The following CLGN variants were observed in gnomAD, a reference collection of about 807,000 sequenced individuals.
CLGN encodes testis tissue sperm-binding protein Li 79P.
In CLGN, 62 loss-of-function variants were observed where a neutral mutation model predicts 79.1. The ratio of observed to expected loss-of-function variants is 0.78; its 90% CI spans 0.64 to 0.97. The LOEUF (loss-of-function observed/expected upper bound fraction) is 0.97. Among genes scored for constraint, CLGN ranks in the 50% least tolerant of loss-of-function variants. The pLI, the probability that CLGN is intolerant of heterozygous loss-of-function variation, is 0.00. For missense variants in CLGN, 647 were observed against 715.5 expected (o/e 0.90, Z 1.09); for synonymous variants, 225 against 224.7 (o/e 1.00, Z -0.01).
chr4:140,412,765 A>G (rs1481576826), intron 2 of CLGN, among the ~76,000 whole-genome samples, 170 bp downstream of exon 2: 3 of 152,226 alleles, frequency 2.0e-5, no homozygotes, highest in African/African-American at 7.2e-5. Context: ...TTTCTGAATT[A>G]CATGGGCACT....
intron 8 of CLGN, 21 bp downstream of exon 8, chr4:140,398,830 G>A (rs751073033): frequency 3.1e-6 from 5 of 1,607,228 alleles, no homozygotes; most frequent in Non-Finnish European, 4.3e-6. Flanking sequence ...ATAATGCTTT[G>A]CTACCGAATT....
intron 1 of CLGN, among the ~76,000 whole-genome samples, chr4:140,420,898 T>G (rs1017464224): frequency 2.0e-5 from 3 of 152,174 alleles, no homozygotes; most frequent in African/African-American, 7.2e-5. Flanking sequence ...GTACAACTAA[T>G]TTCCAAAACT....
intron 1 of CLGN, among the ~76,000 whole-genome samples, chr4:140,417,011 TG>T (rs1315378946): frequency 6.6e-6 from 1 of 151,984 alleles, no homozygotes; most frequent in Non-Finnish European, 1.5e-5. Flanking sequence ...CATGATGAAG[TG>T]GGCTTCATCC....
At chr4:140,402,152 A>G in intron 5 of CLGN, 86 bp from the exon 6 acceptor site, 1 of 665,952 alleles carries the variant, frequency 1.5e-6, no homozygotes, top group Middle Eastern at 3.7e-4. Context: ...TTCTCAATTC[A>G]TGTAAGTATA....
At chr4:140,395,167 G>T (rs191678) in intron 10 of CLGN, among the ~76,000 whole-genome samples, 141,304 of 150,288 alleles carry the variant, frequency 0.94, 66,471 homozygotes, top group East Asian at 0.99. Flanking sequence ...TTGTTTTTTT[G>T]TTTTGAGTCT....
Position 140,412,934 on chromosome 4 carries a change from C to G in CLGN, c.144+1G>C. The G allele has an allele frequency of 6.2e-7, 1 of 1,612,650 alleles. No homozygotes were observed. Among genetic ancestry groups the G allele is most frequent in the Non-Finnish European group, 8.5e-7 (1 of 1,179,126 alleles). ...TATAACCCATTTCTCAATAACCATA[C>G]CTCTGAGGAAAGTTCACTTTCATTA... On this transcript the variant is annotated splice_donor_variant, in intron 2 of 14. Coordinates refer to ENST00000325617, the MANE Select transcript of CLGN (RefSeq NM_004362.3). LOFTEE classifies it high-confidence loss of function.
chr4:140,388,958 C>T lies in CLGN; in HGVS notation c.*266G>A, dbSNP rs1331789622. ...TGTACAAACCAAAACTATCTCCAAA[C>T]AACTAAAACTGTGTAACTTCTAATG... On this transcript the variant is annotated 3_prime_UTR_variant, in exon 15 of 15. Transcript: ENST00000325617. The T allele has an allele frequency of 2.7e-6, 1 of 376,446 alleles. No individual in the cohort carries two copies. The highest frequency in any genetic ancestry group is 2.1e-5 in the African/African-American group (1 of 48,690). The allele number at this position is 376,446 out of a possible 1,614,324, so 23.3% of individuals were successfully genotyped here. A position where few individuals can be genotyped will look rare whatever the true frequency, so the allele number is the denominator to read the frequency against.
intron 4 of CLGN, among the ~76,000 whole-genome samples, chr4:140,408,052 C>G (rs1047042846): frequency 3.3e-4 from 50 of 151,832 alleles, no homozygotes; most frequent in Non-Finnish European, 2.5e-4. Context: ...GATCTTTGAC[C>G]AAGCATACAA....
intron 4 of CLGN, among the ~76,000 whole-genome samples, chr4:140,406,292 A>G (rs975850879): frequency 1.3e-5 from 2 of 152,148 alleles, no homozygotes; most frequent in African/African-American, 4.8e-5. Context: ...CTTCTTAACT[A>G]AAGTTGTGAA....
At position 140,400,510 on chromosome 4, in the gene CLGN, C is replaced by T. The variant is rs1578596838; in HGVS notation, c.541G>A (p.Gly181Arg). 1 of 1,603,098 alleles carries T rather than the reference C, an allele frequency of 6.2e-7. No individual in the cohort carries two copies. Among genetic ancestry groups the T allele is most frequent in the Non-Finnish European group, 8.5e-7 (1 of 1,171,590 alleles). The change falls in exon 7 of 15, where the codon GGA becomes AGA. Residue 181 changes from glycine to arginine, a missense_variant. By Grantham distance (125) the Gly-to-Arg change is moderately radical. Transcript: ENST00000325617. Reference protein sequence around the residue: ...YDKTSYIIMFGPDKCGEDYKL... With the variant: ...YDKTSYIIMFRPDKCGEDYKL... ...TAATCTTCTCCACATTTATCTGGTC[C>T]AAACATAATGATATAGGATGTTTTA...
At chr4:140,407,150 T>C (rs759447222) in intron 4 of CLGN, among the ~76,000 whole-genome samples, 4 of 152,174 alleles carry the variant, frequency 2.6e-5, no homozygotes, top group Non-Finnish European at 5.9e-5. Flanking sequence ...TCCAAGTTTC[T>C]TTTCTTTCTC....
At chr4:140,392,980 C>G (rs1346264065) in intron 11 of CLGN, among the ~76,000 whole-genome samples, 1 of 151,968 alleles carries the variant, frequency 6.6e-6, no homozygotes, top group African/African-American at 2.4e-5. Flanking sequence ...GGTAATTTTC[C>G]TTTTTGGTAA....
chr4:140,421,283 C>A (rs72939868), intron 1 of CLGN, among the ~76,000 whole-genome samples: 1 of 152,008 alleles, frequency 6.6e-6, no homozygotes, highest in East Asian at 1.9e-4. Flanking sequence ...AATAACTCTT[C>A]GAGACCTTGT....
rs979993087 is a variant in CLGN, at chr4:140,396,276, G to T, written c.885-71C>A. ...AAATGCATGTTACAACACTAAGAAG[G>T]TACCATAAAATTATTTCCCTCCCTT... On this transcript the variant is annotated intron_variant, in intron 8 of 14. Transcript: ENST00000325617. 7.5e-6 allele frequency: 9 copies of T among 1,194,916 alleles called. No individual in the cohort carries two copies. The Admixed American group carries it at 1.3e-4, about 17-fold the overall frequency. 74.0% of individuals were successfully genotyped at this position (1,194,916 alleles called of 1,614,324 possible).
rs550879546 is a variant in CLGN, at chr4:140,427,251, C to A, written c.-10+286G>T. On this transcript the variant is annotated intron_variant, in intron 1 of 14. Coordinates refer to ENST00000325617, the MANE Select transcript of CLGN (RefSeq NM_004362.3). ...CTGTCCCCGTGCTCGTCCGCCCCAGCCCGGGCGCAGCAGGTGGATGCGGCG... is the reference window on the plus strand; with the variant it reads ...CTGTCCCCGTGCTCGTCCGCCCCAGACCGGGCGCAGCAGGTGGATGCGGCG... 8.5e-5 allele frequency among the ~76,000 whole-genome samples: 13 copies of A among 152,304 alleles called. No homozygotes were observed. The East Asian group carries it at 2.3e-3, about 27-fold the overall frequency.
chr4:140,398,844 T>A lies in CLGN; in HGVS notation c.884+7A>T. On this transcript the variant is annotated splice_region_variant and intron_variant, in intron 8 of 14. Transcript: ENST00000325617. ...GATAATGCTTTGCTACCGAATTATT[T>A]GCTTACCAGTCTTCTGGTTTGACGG... 6.2e-7 allele frequency: 1 copy of A among 1,612,576 alleles called. No homozygotes were observed. The highest frequency in any genetic ancestry group is 1.3e-5 in the African/African-American group (1 of 74,866).
At chr4:140,394,087 T>C in intron 10 of CLGN, 46 bp from the exon 11 acceptor site, 1 of 1,364,498 alleles carries the variant, frequency 7.3e-7, no homozygotes. Context: ...AATAACTTCA[T>C]TATAAATGCT....
chr4:140,410,516 TAAATC>T, intron 3 of CLGN, 32 bp downstream of exon 3: 1 of 1,428,846 alleles, frequency 7.0e-7, no homozygotes, highest in Non-Finnish European at 9.9e-7. Flanking sequence ...AAAAAGCTAA[TAAATC>T]AAAGAAAACA....
At chr4:140,423,651 C>T (rs1160721301) in intron 1 of CLGN, among the ~76,000 whole-genome samples, 1 of 152,150 alleles carries the variant, frequency 6.6e-6, no homozygotes, top group Non-Finnish European at 1.5e-5. Context: ...GCCACCTAGT[C>T]CTGGGCTTTT....
Sources: allele counts gnomAD v4.1 joint callset (sites outside exome capture counted in the v4.1 genomes callset), GRCh38; gene constraint gnomAD v4.1.1; transcripts MANE v1.5; gene names NCBI Gene and HGNC (gene_info 2026-07-23, HGNC 2026-07-21).